The following CNTNAP2 variants were observed in gnomAD, a reference collection of about 807,000 sequenced individuals.
CNTNAP2 encodes contactin-associated protein-like 2.
A neutral mutation model predicts 155.2 loss-of-function variants in CNTNAP2; 98 were observed. The ratio of observed to expected loss-of-function variants is 0.63; its 90% confidence interval spans 0.54 to 0.75. The LOEUF is 0.75. CNTNAP2 is among the 30% of genes least tolerant of loss of function. CNTNAP2 has a pLI of 0.00. For synonymous variants in CNTNAP2, 651 were observed against 631.2 expected (o/e 1.03, Z -0.47); for missense variants, 1,727 against 1,688.1 (o/e 1.02, Z -0.40).
At chr7:146,410,045 G>T (rs771218346) in intron 1 of CNTNAP2, among the ~76,000 whole-genome samples, 32 of 152,040 alleles carry the variant, frequency 2.1e-4, no homozygotes, top group Non-Finnish European at 4.1e-4. Context: ...CAAGGACCTG[G>T]TATATTTGCA....
intron 9 of CNTNAP2, among the ~76,000 whole-genome samples, chr7:147,310,816 A>G (rs765193267): frequency 4.1e-4 from 63 of 152,226 alleles, no homozygotes; most frequent in Non-Finnish European, 4.0e-4. Context: ...GACCACTGCA[A>G]TATAATTTTG....
At chr7:147,939,122 C>T (rs556661739) in intron 14 of CNTNAP2, among the ~76,000 whole-genome samples, 2 of 152,208 alleles carry the variant, frequency 1.3e-5, no homozygotes, top group African/African-American at 4.8e-5. Context: ...TCACATAAAA[C>T]ATACAATTTT....
At chr7:147,620,388 G>C (rs1372105626) in intron 12 of CNTNAP2, among the ~76,000 whole-genome samples, 1 of 152,084 alleles carries the variant, frequency 6.6e-6, no homozygotes, top group African/African-American at 2.4e-5. Context: ...TTTTCAGACA[G>C]AGAATTCAAA....
chr7:146,593,974 C>T (rs1798822036), intron 1 of CNTNAP2, among the ~76,000 whole-genome samples: 1 of 152,118 alleles, frequency 6.6e-6, no homozygotes, highest in South Asian at 2.1e-4. Flanking sequence ...AATTGGGTTC[C>T]CCACCCTCCA....
rs1206049278 is a variant in CNTNAP2, at chr7:147,810,479, C to T, written c.2099-93086C>T. The stretch of plus-strand genomic sequence containing the variant: ...TATTAATAGATAATATGTCAAAGAG[C>T]TTGCCATATAATCAGTAGGTTCTTT... On this transcript the variant is annotated intron_variant, in intron 13 of 23. Coordinates refer to ENST00000361727, the MANE Select transcript of CNTNAP2 (RefSeq NM_014141.6). 2.6e-5 allele frequency among the ~76,000 whole-genome samples: 4 copies of T among 152,170 alleles called. No individual in the cohort carries two copies. In the East Asian group the frequency reaches 5.8e-4, roughly 22 times the overall value.
At chr7:146,957,371 G>A (rs182386947) in intron 3 of CNTNAP2, among the ~76,000 whole-genome samples, 2 of 152,164 alleles carry the variant, frequency 1.3e-5, no homozygotes, top group Admixed American at 6.5e-5. Flanking sequence ...CATCATATAG[G>A]CAGTGTGTCC....
intron 21 of CNTNAP2, among the ~76,000 whole-genome samples, chr7:148,332,557 G>A (rs1279727898): frequency 6.6e-6 from 1 of 152,132 alleles, no homozygotes; most frequent in Non-Finnish European, 1.5e-5. Context: ...TTTATGCATG[G>A]TAATATATTA....
At chr7:147,134,691 A>G (rs553602481) in intron 8 of CNTNAP2, among the ~76,000 whole-genome samples, 1 of 152,098 alleles carries the variant, frequency 6.6e-6, no homozygotes, top group Non-Finnish European at 1.5e-5. Context: ...CTTTTAATGT[A>G]TTTTATCAAA....
intron 3 of CNTNAP2, 49 bp downstream of exon 3, chr7:146,839,953 T>G: frequency 6.3e-7 from 1 of 1,590,370 alleles, no homozygotes; most frequent in Non-Finnish European, 8.6e-7. Flanking sequence ...TTGGAAATAT[T>G]AGAAAATGGT....
At chr7:147,417,656 G>A (rs1361092426) in intron 10 of CNTNAP2, among the ~76,000 whole-genome samples, 1 of 152,004 alleles carries the variant, frequency 6.6e-6, no homozygotes, top group Admixed American at 6.6e-5. Flanking sequence ...CTTTCCTTTA[G>A]CAATGTAATT....
Position 148,139,785 on chromosome 7 carries a change from C to T in CNTNAP2, c.2555-7706C>T, listed in dbSNP as rs193170487. On this transcript the variant is annotated intron_variant, in intron 16 of 23. Coordinates refer to ENST00000361727, the MANE Select transcript of CNTNAP2 (RefSeq NM_014141.6). ...CAAACTCCTGACCTCATAAGCCACC[C>T]GCCTCGGCCTCCCAAAGTGCTGGGA... is the stretch of plus-strand genomic sequence containing the variant. Among the ~76,000 whole-genome samples the T allele has an allele frequency of 7.7e-4, 117 of 152,174 alleles. 2 individuals are homozygous for T. In the East Asian group the frequency reaches 0.011, roughly 15 times the overall value.
intron 1 of CNTNAP2, among the ~76,000 whole-genome samples, chr7:146,668,040 T>A (rs1202826918): frequency 6.6e-6 from 1 of 152,114 alleles, no homozygotes; most frequent in African/African-American, 2.4e-5. Context: ...AGCATCTTTG[T>A]CTTTTTTCCA....
chr7:147,662,466 GA>G lies in CNTNAP2; in HGVS notation c.2098+23163del, dbSNP rs1417943391. Among the ~76,000 whole-genome samples, 8 of 152,290 alleles carry G rather than the reference GA, an allele frequency of 5.3e-5. No homozygotes were observed. In the South Asian group the frequency reaches 1.7e-3, roughly 32 times the overall value. The stretch of plus-strand genomic sequence containing the variant: ...AGGAAATTCAGATAAAACTACTTGG[GA>G]AATGTAGCTAAGCAAGATATAATTA... On this transcript the variant is annotated intron_variant, in intron 13 of 23. Coordinates refer to ENST00000361727, the MANE Select transcript of CNTNAP2 (RefSeq NM_014141.6).
intron 12 of CNTNAP2, among the ~76,000 whole-genome samples, chr7:147,602,824 A>G (rs1370585948): frequency 1.3e-5 from 2 of 151,854 alleles, no homozygotes; most frequent in Non-Finnish European, 2.9e-5. Context: ...TGAACTCATC[A>G]TTTTTTATGG....
At chr7:147,705,860 A>T (rs1796306171) in intron 13 of CNTNAP2, among the ~76,000 whole-genome samples, 2 of 152,074 alleles carry the variant, frequency 1.3e-5, no homozygotes, top group African/African-American at 4.8e-5. Flanking sequence ...TTCTCATACA[A>T]GTTTAGCTAT....
intron 13 of CNTNAP2, among the ~76,000 whole-genome samples, chr7:147,668,562 G>A (rs1015524515): frequency 3.3e-5 from 5 of 151,980 alleles, no homozygotes; most frequent in African/African-American, 1.2e-4. Flanking sequence ...ATAGGCCTAG[G>A]CTACTGTGTG....
At position 148,066,329 on chromosome 7, in the gene CNTNAP2, C is replaced by G. The variant is rs541354461; in HGVS notation, c.2384-51789C>G. Among the ~76,000 whole-genome samples the G allele has an allele frequency of 3.1e-4, 47 of 152,248 alleles. 1 individual carries two copies. Among genetic ancestry groups the G allele is most frequent in the African/African-American group, 1.0e-3 (43 of 41,552 alleles). Reference sequence around the variant, plus strand: ...GCTTCTTGTATTTGGATGTCTAGATCTCTAACAAGGCCAGGGAAGTTTTCC... The same window carrying G: ...GCTTCTTGTATTTGGATGTCTAGATGTCTAACAAGGCCAGGGAAGTTTTCC... On this transcript the variant is annotated intron_variant, in intron 15 of 23. Transcript: ENST00000361727.
intron 13 of CNTNAP2, among the ~76,000 whole-genome samples, chr7:147,688,566 G>A (rs1796047572): frequency 6.6e-6 from 1 of 152,078 alleles, no homozygotes; most frequent in African/African-American, 2.4e-5. Flanking sequence ...TGTTTGCCTG[G>A]AAGCAGCTTT....
chr7:148,089,913 A>T (rs1401720964), intron 15 of CNTNAP2, among the ~76,000 whole-genome samples: 2 of 151,962 alleles, frequency 1.3e-5, no homozygotes, highest in Non-Finnish European at 2.9e-5. Flanking sequence ...AGCATAGACT[A>T]GCATAAATAC....
Sources: allele counts gnomAD v4.1 joint callset (sites outside exome capture counted in the v4.1 genomes callset), GRCh38; gene constraint gnomAD v4.1.1; transcripts MANE v1.5; gene names NCBI Gene and HGNC (gene_info 2026-07-23, HGNC 2026-07-21).